Variants in TAOK3 observed in about 807,000 individuals in gnomAD.
The protein encoded by TAOK3 is serine/threonine-protein kinase TAO3.
Under a neutral mutation model 120.4 loss-of-function variants are expected in TAOK3, and 40 were observed. That is an observed-to-expected ratio of 0.33 (90% confidence interval 0.26 to 0.43). The LOEUF (loss-of-function observed/expected upper bound fraction) is 0.43, where lower values mean the gene tolerates loss of function less well. Ranked by LOEUF, TAOK3 falls within the 20% of genes least tolerant of loss-of-function variation. The pLI is 1.00. For synonymous variants in TAOK3, 355 were observed against 387.5 expected (o/e 0.92, Z 0.99); for missense variants, 821 against 1,112.1 (o/e 0.74, Z 3.72).
At chr12:118,245,108 C>T (rs2040432627) in intron 3 of TAOK3, 143 bp from the exon 4 acceptor site, 2 of 485,808 alleles carry the variant, frequency 4.1e-6, no homozygotes, top group Non-Finnish European at 7.1e-6. Flanking sequence ...GTGCAGCTCA[C>T]TGCAACCTCT....
At chr12:118,333,765 A>AT (rs919464028) in intron 1 of TAOK3, among the ~76,000 whole-genome samples, 31 of 151,778 alleles carry the variant, frequency 2.0e-4, no homozygotes, top group South Asian at 6.2e-4. Flanking sequence ...GACAAAGGTA[A>AT]TTTTTTTTCC....
At chr12:118,234,717 T>G (rs1809152556) in intron 8 of TAOK3, among the ~76,000 whole-genome samples, 2 of 152,154 alleles carry the variant, frequency 1.3e-5, no homozygotes, top group African/African-American at 4.8e-5. Context: ...CATATTCTTT[T>G]AAAATAATTA....
chr12:118,266,697 A>T lies in TAOK3; in HGVS notation c.-131T>A. 1.0e-5 allele frequency: 4 copies of T among 398,022 alleles called. No homozygotes were observed. The highest frequency in any genetic ancestry group is 1.8e-5 in the Non-Finnish European group (4 of 225,774). 24.7% of individuals were successfully genotyped at this position (398,022 alleles called of 1,614,324 possible). A position where few individuals can be genotyped will look rare whatever the true frequency, so the allele number is the denominator to read the frequency against. On this transcript the variant is annotated 5_prime_UTR_variant, in exon 2 of 21. An upstream start codon of the reference 5' UTR is lost. Transcript: ENST00000392533. ...AAAATATTCCATATTGCTCAGATTC[A>T]TTTTAGCAGCAAACTTCTCTTTTCT...
At chr12:118,317,712 T>C (rs963443724) in intron 1 of TAOK3, among the ~76,000 whole-genome samples, 8 of 152,126 alleles carry the variant, frequency 5.3e-5, no homozygotes, top group African/African-American at 1.4e-4. Context: ...CCAATACAAT[T>C]TGTATCAAAA....
At position 118,372,459 on chromosome 12, in the gene TAOK3, C is replaced by T. The variant is rs1403627866; in HGVS notation, c.-194+189G>A. On this transcript the variant is annotated intron_variant, in intron 1 of 20. Transcript: ENST00000392533. This position sits in a 1 kb window ranked among gnomAD's most constrained non-coding sequence, Gnocchi z 4.6. ...TTTCAGTCTTGGACCCTCTCGGAGT[C>T]CTCTCCACTCAGAGCCACTGCCTCG... 1.3e-5 allele frequency among the ~76,000 whole-genome samples: 2 copies of T among 151,508 alleles called. No homozygotes were observed. The highest frequency in any genetic ancestry group is 6.6e-5 in the Admixed American group (1 of 15,246).
At chr12:118,271,961 A>T (rs2041716167) in intron 1 of TAOK3, among the ~76,000 whole-genome samples, 1 of 152,232 alleles carries the variant, frequency 6.6e-6, no homozygotes, top group Admixed American at 6.5e-5. Context: ...AGAATGTAGT[A>T]TTTCAGGTTT....
chr12:118,322,718 C>CTTTTTTTTTTTTTTT (rs199608892), intron 1 of TAOK3, among the ~76,000 whole-genome samples: 1 of 93,812 alleles, frequency 1.1e-5, no homozygotes, highest in Non-Finnish European at 1.9e-5. Context: ...ATTTAAAAAC[C>CTTTTTTTTTTTTTTT]TTTTTTTTTT....
At chr12:118,330,048 C>T (rs2044080208) in intron 1 of TAOK3, among the ~76,000 whole-genome samples, 1 of 152,148 alleles carries the variant, frequency 6.6e-6, no homozygotes, top group Non-Finnish European at 1.5e-5. Flanking sequence ...AGGAAAAATA[C>T]ATCAGGGGTT....
intron 1 of TAOK3, among the ~76,000 whole-genome samples, chr12:118,362,260 G>A (rs1029648475): frequency 7.0e-6 from 1 of 142,398 alleles, no homozygotes; most frequent in Non-Finnish European, 1.5e-5. Flanking sequence ...AATGAAAGAC[G>A]AAGAATTGTC....
At chr12:118,291,079 C>T (rs552413007) in intron 1 of TAOK3, among the ~76,000 whole-genome samples, 2 of 149,690 alleles carry the variant, frequency 1.3e-5, no homozygotes, top group African/African-American at 4.9e-5. Flanking sequence ...TGGTCTTGAA[C>T]TCCTGACCTC....
At chr12:118,218,109 C>T (rs2039030460) in intron 9 of TAOK3, among the ~76,000 whole-genome samples, 1 of 151,608 alleles carries the variant, frequency 6.6e-6, no homozygotes, top group Non-Finnish European at 1.5e-5. Context: ...ATCCGTCCGC[C>T]TTGGCCTCCC....
chr12:118,181,251 G>T (rs2036700505), intron 15 of TAOK3, 120 bp downstream of exon 15: 4 of 819,770 alleles, frequency 4.9e-6, no homozygotes, highest in African/African-American at 1.7e-5. Flanking sequence ...ACCCAATTTT[G>T]CCACCCCGGA....
chr12:118,359,824 C>T (rs4767668), intron 1 of TAOK3: 9 of 152,062 alleles, frequency 5.9e-5, no homozygotes, highest in Non-Finnish European at 4.4e-5. Flanking sequence ...ACAAGCAATG[C>T]TAGGAACTAT....
chr12:118,258,379 C>T (rs2041081712), intron 2 of TAOK3, among the ~76,000 whole-genome samples: 1 of 152,092 alleles, frequency 6.6e-6, no homozygotes, highest in Admixed American at 6.6e-5. Context: ...TAACTTAAAT[C>T]CAGCTATTTG....
At chr12:118,186,119 A>C (rs1002653629) in intron 14 of TAOK3, among the ~76,000 whole-genome samples, 1 of 152,234 alleles carries the variant, frequency 6.6e-6, no homozygotes. Flanking sequence ...AAGACTCTCT[A>C]TGAGCTTTTC....
At chr12:118,367,246 ATAACT>A (rs1307538634) in intron 1 of TAOK3, among the ~76,000 whole-genome samples, 1 of 152,184 alleles carries the variant, frequency 6.6e-6, no homozygotes, top group Non-Finnish European at 1.5e-5. Context: ...CAAATTAGAA[ATAACT>A]TAGAAAGATT....
At chr12:118,352,115 G>A (rs1465403328) in intron 1 of TAOK3, among the ~76,000 whole-genome samples, 9 of 150,944 alleles carry the variant, frequency 6.0e-5, no homozygotes, top group Middle Eastern at 3.2e-3. Flanking sequence ...CTCGTGGTCC[G>A]CCCACCTCGG....
chr12:118,262,856 G>C (rs1032902281), intron 2 of TAOK3, among the ~76,000 whole-genome samples: 4 of 149,336 alleles, frequency 2.7e-5, no homozygotes, highest in Non-Finnish European at 5.9e-5. Flanking sequence ...GAAATACTTA[G>C]GGATCAATGC....
At chr12:118,316,226 A>G (rs2043451829) in intron 1 of TAOK3, among the ~76,000 whole-genome samples, 1 of 152,188 alleles carries the variant, frequency 6.6e-6, no homozygotes, top group South Asian at 2.1e-4. Flanking sequence ...ATGATCATGG[A>G]TTTGTTAATG....
Sources: gnomAD v4.1 joint callset for allele counts (sites outside exome capture counted in the v4.1 genomes callset) on GRCh38, gnomAD v4.1.1 for gene constraint, Gnocchi (gnomAD v3.1) non-coding constraint, MANE v1.5 for transcripts, NCBI Gene and HGNC (gene_info 2026-07-23, HGNC 2026-07-21) for gene names.